ZNF224: variants seen among roughly 807,000 people sequenced by gnomAD.
ZNF224 encodes the protein zinc finger protein 224, also known as bone marrow zinc finger 2.
Under a neutral mutation model 10.5 loss-of-function variants are expected in ZNF224, and 8 were observed. That is an observed-to-expected ratio of 0.76 (90% CI 0.45 to 1.37). ZNF224 has a LOEUF of 1.37. Ranked by LOEUF, ZNF224 falls within the 40% of genes most tolerant of loss-of-function variation. The pLI is 0.00. For missense variants in ZNF224, 754 were observed against 854.0 expected (o/e 0.88, Z 1.46); for synonymous variants, 282 against 287.8 (o/e 0.98, Z 0.20).
rs199501019 is a variant in ZNF224 at position 44,107,072 on chromosome 19, T to C, written c.912T>C (p.Asn304=). The change falls in exon 6 of 6, where the codon AAT becomes AAC. Residue 304 remains asparagine (N), a synonymous_variant. Transcript: ENST00000693561. ...GKSFCGRSRL[N]RHSMVHTAEK... ...GCTTCTGTGGTAGATCAAGACTTAA[T>C]AGGCATTCCATGGTTCACACGGCAG... The C allele has an allele frequency of 4.1e-5, 65 of 1,601,596 alleles. 2 individuals carry two copies. In the Middle Eastern group the frequency reaches 2.5e-3, roughly 62 times the overall value.
Position 44,108,710 on chromosome 19 carries a change from C to A in ZNF224, c.*426C>A. The A allele has an allele frequency of 1.9e-6, 1 of 518,822 alleles. No homozygotes were observed. The highest frequency in any genetic ancestry group is 1.9e-5 in the Admixed American group (1 of 51,588). The allele number at this position is 518,822 out of a possible 1,614,324, so 32.1% of individuals were successfully genotyped here. On this transcript the variant is annotated 3_prime_UTR_variant, in exon 6 of 6. Transcript: ENST00000693561. ...ACTACATGTGTCTTTGCTGCTAAGT[C>A]GTCACAGCCTTAACATTGATTAGCA...
chr19:44,103,230 C>T lies in ZNF224; in HGVS notation c.235+2005C>T, dbSNP rs974166259. Among the ~76,000 whole-genome samples the T allele has an allele frequency of 2.0e-5, 3 of 152,296 alleles. No individual in the cohort carries two copies. The South Asian group carries it at 6.2e-4, about 32-fold the overall frequency. On this transcript the variant is annotated intron_variant, in intron 5 of 5. Coordinates refer to ENST00000693561, the MANE Select transcript of ZNF224 (RefSeq NM_001321645.3). ...CATCCTGAAAGAGACTCTCTCTTCT[C>T]CCCAAAAACCTCTTAAGTAACAGTG...
rs1318465769 is a variant in ZNF224, at chr19:44,100,818, G to A, written c.33G>A (p.Lys11=). The change falls in exon 4 of 6, where the codon AAG becomes AAA. Residue 11 remains lysine, a synonymous_variant. Coordinates refer to ENST00000693561, the MANE Select transcript of ZNF224 (RefSeq NM_001321645.3). ...TGCTATAGGAGGCAATGACCTTCAA[G>A]GACGTGGCTGTGGTCTTCACTGAGG... MTTFKEAMTF[K]DVAVVFTEEE... is the part of the protein sequence containing the mutation. 4 of 1,613,912 alleles carry A rather than the reference G, an allele frequency of 2.5e-6. No homozygotes were observed. In the South Asian group the frequency reaches 3.3e-5, roughly 13 times the overall value.
At chr19:44,097,929 CA>C (rs1396521753) in intron 3 of ZNF224, 41 bp downstream of exon 3, 2 of 1,611,152 alleles carry the variant, frequency 1.2e-6, no homozygotes, top group Non-Finnish European at 1.7e-6. Context: ...AATTCCCTCT[CA>C]GTACTTAAAT....
Position 44,108,662 on chromosome 19 carries a change from A to G in ZNF224, c.*378A>G. On this transcript the variant is annotated 3_prime_UTR_variant, in exon 6 of 6. Transcript: ENST00000693561. The stretch of plus-strand genomic sequence containing the variant: ...ACCAGACTAATGGTGGACATGTCCA[A>G]ATTGATGTCCACTAGAATGTAAACT... 1.9e-6 allele frequency: 1 copy of G among 519,664 alleles called. No homozygotes were observed. Among genetic ancestry groups the G allele is most frequent in the Admixed American group, 1.9e-5 (1 of 51,410 alleles). The allele number at this position is 519,664 out of a possible 1,614,324, so 32.2% of individuals were successfully genotyped here.
intron 5 of ZNF224, chr19:44,105,723 T>C (rs1205747081): frequency 6.5e-6 from 1 of 152,852 alleles, no homozygotes; most frequent in Non-Finnish European, 1.5e-5. Context: ...CTGTATGCCT[T>C]TGCATACCCA....
At chr19:44,105,516 T>A (rs1967637466) in intron 5 of ZNF224, 1 of 120,280 alleles carries the variant, frequency 8.3e-6, no homozygotes, top group South Asian at 2.8e-4. Context: ...TTATTAAAAA[T>A]TTTATTTCAG....
rs148710675 is a variant in ZNF224, at chr19:44,102,639, G to A, written c.235+1414G>A. Among the ~76,000 whole-genome samples the A allele has an allele frequency of 1.5e-4, 23 of 152,166 alleles. No individual in the cohort carries two copies. In the East Asian group the frequency reaches 2.5e-3, roughly 17 times the overall value. ...TTATTTGATTGCCTTGTGTGTTTAC[G>A]GTGGACCCACATCCCATGGAAACTT... is the stretch of plus-strand genomic sequence containing the variant. On this transcript the variant is annotated intron_variant, in intron 5 of 5. Coordinates refer to ENST00000693561, the MANE Select transcript of ZNF224 (RefSeq NM_001321645.3).
chr19:44,100,893 G>A lies in ZNF224; in HGVS notation c.108G>A (p.Val36=). The change falls in exon 4 of 6, where the codon GTG becomes GTA. Residue 36 remains valine (V), a synonymous_variant. Transcript: ENST00000693561. ...CTCAGAGGAAGCTGTATCGAGATGTGATGCTGGAGAACTTCAGGAACCTGC... is the reference window on the plus strand; with the variant it reads ...CTCAGAGGAAGCTGTATCGAGATGTAATGCTGGAGAACTTCAGGAACCTGC... ...DLAQRKLYRD[V]MLENFRNLLS... is the part of the protein sequence containing the mutation. 2 of 1,614,170 alleles carry A rather than the reference G, an allele frequency of 1.2e-6. No homozygotes were observed. Among genetic ancestry groups the A allele is most frequent in the Admixed American group, 1.7e-5 (1 of 60,018 alleles).
At position 44,107,782 on chromosome 19, in the gene ZNF224, A is replaced by G. The variant is rs771951944; in HGVS notation, c.1622A>G (p.Asn541Ser). ...GTCCACACAGGAGAGAGACCATACA[A>G]TTGTAAGGAATGTGGGAAGAGTTTT... Reference protein sequence around the residue: ...QKVHTGERPYNCKECGKSFGW... With the variant: ...QKVHTGERPYSCKECGKSFGW... Residue 541 changes from asparagine (N) to serine (S), a missense_variant, in exon 6 of 6, where the codon AAT (asparagine) becomes AGT (serine). Coordinates refer to ENST00000693561, the MANE Select transcript of ZNF224 (RefSeq NM_001321645.3). The G allele has an allele frequency of 2.5e-6, 4 of 1,601,452 alleles. No homozygotes were observed. The highest frequency in any genetic ancestry group is 3.4e-6 in the Non-Finnish European group (4 of 1,172,458).
chr19:44,099,129 T>TG (rs1967498074), intron 3 of ZNF224, among the ~76,000 whole-genome samples: 1 of 152,124 alleles, frequency 6.6e-6, no homozygotes, highest in Non-Finnish European at 1.5e-5. Flanking sequence ...CTGTGCCCTG[T>TG]GGTGTGGGTG....
At position 44,107,992 on chromosome 19, in the gene ZNF224, G is replaced by T. The variant is rs771464837; in HGVS notation, c.1832G>T (p.Arg611Leu). ...AAGGGCTTCAGCTGGTCCTCAACTC[G>T]TCTGACCCATCAGAGACGCCACAGC... ...CGKGFSWSSTRLTHQRRHSRE... is the reference protein window; with the variant it reads ...CGKGFSWSSTLLTHQRRHSRE... Residue 611 changes from arginine (R) to leucine (L), a missense_variant, in exon 6 of 6, where the codon CGT (arginine) becomes CTT (leucine). Coordinates refer to ENST00000693561, the MANE Select transcript of ZNF224 (RefSeq NM_001321645.3). 1 of 1,613,930 alleles carries T rather than the reference G, an allele frequency of 6.2e-7. No homozygotes were observed. Among genetic ancestry groups the T allele is most frequent in the South Asian group, 1.1e-5 (1 of 91,094 alleles).
At position 44,106,879 on chromosome 19, in the gene ZNF224, G is replaced by T. The variant is rs1338384194; in HGVS notation, c.719G>T (p.Gly240Val). Residue 240 changes from glycine to valine, a missense_variant, in exon 6 of 6, where the codon GGC becomes GTC. Transcript: ENST00000693561. ...KPFKCVECGK[G>V]FSRRSALNVH... ...TTCAAATGTGTGGAATGTGGGAAAG[G>T]CTTCAGTCGTAGATCAGCACTTAAT... is the stretch of plus-strand genomic sequence containing the variant. The T allele has an allele frequency of 6.2e-7, 1 of 1,610,226 alleles. No homozygotes were observed. Among genetic ancestry groups the T allele is most frequent in the South Asian group, 1.1e-5 (1 of 90,790 alleles).
chr19:44,106,672 C>T lies in ZNF224; in HGVS notation c.512C>T (p.Ser171Leu), dbSNP rs767394305. 16 of 1,597,772 alleles carry T rather than the reference C, an allele frequency of 1.0e-5. No individual in the cohort carries two copies. The highest frequency in any genetic ancestry group is 1.4e-5 in the Non-Finnish European group (16 of 1,171,184). ...TTTGATTTTCATCAACAATTACACT[C>T]AGGAGAGAAATCTCATACGTGTGAT... ...SHFDFHQQLH[S>L]GEKSHTCDEC... Residue 171 changes from serine to leucine, a missense_variant, in exon 6 of 6, where the codon TCA (serine) becomes TTA (leucine). Transcript: ENST00000693561.
In ZNF224 at chr19:44,107,391, A is replaced by T. The variant is rs3208206; in HGVS notation, c.1231A>T (p.Thr411Ser). 9 of 1,605,882 alleles carry T rather than the reference A, an allele frequency of 5.6e-6. No homozygotes were observed. Among genetic ancestry groups the T allele is most frequent in the Non-Finnish European group, 7.6e-6 (9 of 1,176,848 alleles). Residue 411 changes from threonine (T) to serine (S), a missense_variant, in exon 6 of 6, where the codon ACA becomes TCA. Thr to Ser is a moderately conservative substitution (Grantham distance 58). Coordinates refer to ENST00000693561, the MANE Select transcript of ZNF224 (RefSeq NM_001321645.3). ...KCEECGKGFY[T>S]NSQCYSHQRS... ...TGAAGAATGTGGGAAAGGATTTTAC[A>T]CAAATTCACAATGCTATTCCCACCA...
intron 5 of ZNF224, among the ~76,000 whole-genome samples, chr19:44,104,776 C>A (rs546260781): frequency 6.6e-6 from 1 of 152,154 alleles, no homozygotes; most frequent in African/African-American, 2.4e-5. Flanking sequence ...ATTCTCCTGC[C>A]TCAGCCTCCC....
intron 3 of ZNF224, among the ~76,000 whole-genome samples, chr19:44,098,940 C>T (rs1967495420): frequency 6.6e-6 from 1 of 152,202 alleles, no homozygotes; most frequent in Non-Finnish European, 1.5e-5. Flanking sequence ...TTTGTTTCTT[C>T]ATTTACTCCT....
chr19:44,108,050 G>T lies in ZNF224; in HGVS notation c.1890G>T (p.Gly630=). Reference sequence around the variant, plus strand: ...CACCTCTCAAATGTGAGCAGCATGGGAAGAACATTGTACAGAATTCATTCT... The same window carrying T: ...CACCTCTCAAATGTGAGCAGCATGGTAAGAACATTGTACAGAATTCATTCT... ...RETPLKCEQH[G]KNIVQNSFSK... is the part of the protein sequence containing the mutation. Residue 630 remains glycine (G), a synonymous_variant, in exon 6 of 6, where the codon GGG becomes GGT. Transcript: ENST00000693561. 2 of 1,612,166 alleles carry T rather than the reference G, an allele frequency of 1.2e-6. No individual in the cohort carries two copies. The highest frequency in any genetic ancestry group is 1.7e-6 in the Non-Finnish European group (2 of 1,178,638).
intron 5 of ZNF224, chr19:44,106,154 C>T: frequency 1.9e-6 from 1 of 526,956 alleles, no homozygotes; most frequent in Non-Finnish European, 3.4e-6. Context: ...CGTTTCTTCT[C>T]ACCACACCCA....
Sources: gnomAD v4.1 joint callset for allele counts (sites outside exome capture counted in the v4.1 genomes callset) on GRCh38, gnomAD v4.1.1 for gene constraint, MANE v1.5 for transcripts, NCBI Gene and HGNC (gene_info 2026-07-23, HGNC 2026-07-21) for gene names.